Variants in HDHD5 observed in about 807,000 individuals in gnomAD.
HDHD5 encodes haloacid dehalogenase-like hydrolase domain-containing 5.
Under a neutral mutation model 35.5 loss-of-function variants are expected in HDHD5, and 34 were observed. The observed-to-expected ratio is 0.96, with a 90% confidence interval of 0.73 to 1.28. The LOEUF is 1.28. Ranked by LOEUF, HDHD5 falls within the 50% of genes most tolerant of loss-of-function variation. The pLI, the probability that HDHD5 is intolerant of heterozygous loss-of-function variation, is 0.00. For synonymous variants in HDHD5, 248 were observed against 240.6 expected (o/e 1.03, Z -0.29); for missense variants, 589 against 560.2 (o/e 1.05, Z -0.52).
intron 1 of HDHD5, among the ~76,000 whole-genome samples, chr22:17,156,561 G>A (rs1230574276): frequency 3.3e-5 from 5 of 152,168 alleles, no homozygotes; most frequent in Non-Finnish European, 7.4e-5. Flanking sequence ...CAGATCACGA[G>A]GTTAGGAGAT....
At chr22:17,159,996 C>T (rs540998363), upstream of HDHD5, among the ~76,000 whole-genome samples, 47 of 152,330 alleles carry the variant, frequency 3.1e-4, no homozygotes, top group African/African-American at 1.0e-3. Flanking sequence ...CGACTCCGTC[C>T]GTGGAGGCCC....
intron 1 of HDHD5, among the ~76,000 whole-genome samples, chr22:17,156,091 A>G (rs753966737): frequency 1.3e-5 from 2 of 152,206 alleles, no homozygotes; most frequent in East Asian, 3.8e-4. Flanking sequence ...CATATTTCTG[A>G]TAAGAGTGAC....
rs748771648 is a variant in HDHD5 at position 17,149,585 on chromosome 22, T to C, written c.287A>G (p.Gln96Arg). 1.2e-6 allele frequency: 2 copies of C among 1,612,868 alleles called. No individual in the cohort carries two copies. Among genetic ancestry groups the C allele is most frequent in the Non-Finnish European group, 1.7e-6 (2 of 1,180,012 alleles). ...VFVTNAGNIL[Q>R]HSKAQELSAL... ...TGACAGCTCCTGGGCTTTGCTGTGTTGTAAGATGTTCCCAGCATTTGTAAC... is the reference window on the plus strand; with the variant it reads ...TGACAGCTCCTGGGCTTTGCTGTGTCGTAAGATGTTCCCAGCATTTGTAAC... The change falls in exon 2 of 8, where the codon CAA (glutamine) becomes CGA (arginine). Residue 96 changes from glutamine (Q) to arginine (R), a missense_variant. Transcript: ENST00000336737.
chr22:17,155,076 A>G (rs1288386380), intron 1 of HDHD5, among the ~76,000 whole-genome samples: 1 of 152,190 alleles, frequency 6.6e-6, no homozygotes, highest in African/African-American at 2.4e-5. Context: ...TCATTGCTCA[A>G]TCTGGGAGAT....
intron 2 of HDHD5, among the ~76,000 whole-genome samples, 195 bp downstream of exon 2, chr22:17,149,344 CAGA>C (rs1053948726): frequency 3.9e-5 from 6 of 152,132 alleles, no homozygotes; most frequent in Non-Finnish European, 7.3e-5. Context: ...CCCCAATGCC[CAGA>C]AGAAAAGAAA....
At chr22:17,160,660 A>T (rs201987429), upstream of HDHD5, among the ~76,000 whole-genome samples, 8,344 of 149,136 alleles carry the variant, frequency 0.056, 377 homozygotes, top group East Asian at 0.23. Flanking sequence ...AAAAAAAAAA[A>T]AATAATAATA....
At chr22:17,150,890 G>C (rs984453383) in intron 1 of HDHD5, among the ~76,000 whole-genome samples, 2 of 152,162 alleles carry the variant, frequency 1.3e-5, no homozygotes, top group African/African-American at 4.8e-5. Context: ...TATTCTGAGT[G>C]AATAATTCAC....
chr22:17,158,738 C>T (rs1219494961), intron 1 of HDHD5: 1 of 155,692 alleles, frequency 6.4e-6, no homozygotes, highest in African/African-American at 2.4e-5. Context: ...CACCCGCAGG[C>T]GCGGCTCCCG....
intron 1 of HDHD5, among the ~76,000 whole-genome samples, chr22:17,152,210 G>T (rs909471721): frequency 7.9e-5 from 12 of 152,172 alleles, no homozygotes; most frequent in Non-Finnish European, 1.3e-4. Flanking sequence ...ATGGAAAGTG[G>T]TATCATCAGA....
chr22:17,147,343 C>T (rs1157413381), intron 3 of HDHD5, among the ~76,000 whole-genome samples: 8 of 100,636 alleles, frequency 7.9e-5, no homozygotes, highest in East Asian at 3.0e-4. Context: ...TCGCACACGC[C>T]CCACACCTGT....
At chr22:17,149,825 C>G (rs144899597) in intron 1 of HDHD5, 80 bp from the exon 2 acceptor site, 1 of 1,270,200 alleles carries the variant, frequency 7.9e-7, no homozygotes, top group Non-Finnish European at 1.1e-6. Flanking sequence ...ACACCATCCT[C>G]GGGTCACTCA....
At chr22:17,144,821 G>C (rs1430222157) in intron 4 of HDHD5, among the ~76,000 whole-genome samples, 1 of 152,070 alleles carries the variant, frequency 6.6e-6, no homozygotes, top group East Asian at 1.9e-4. Flanking sequence ...AAAGCGTTGG[G>C]ATTACAGGTG....
At chr22:17,142,123 T>A (rs1184720749) in intron 5 of HDHD5, 1 of 152,198 alleles carries the variant, frequency 6.6e-6, no homozygotes, top group African/African-American at 2.4e-5. Context: ...TGTCTGTAAT[T>A]CCAGCACTTT....
rs567980976 is a variant in HDHD5, at chr22:17,151,442, G to C, written c.127-1697C>G. Among the ~76,000 whole-genome samples, 3 of 152,152 alleles carry C rather than the reference G, an allele frequency of 2.0e-5. 1 individual carries two copies. The highest frequency in any genetic ancestry group is 7.2e-5 in the African/African-American group (3 of 41,530). ...TAGAGCAACCAGAAACAGAAATGGCGCTACAGGCCAGGTGTGGTGGCTCAC... is the reference window on the plus strand; with the variant it reads ...TAGAGCAACCAGAAACAGAAATGGCCCTACAGGCCAGGTGTGGTGGCTCAC... On this transcript the variant is annotated intron_variant, in intron 1 of 7. Transcript: ENST00000336737.
chr22:17,159,383 T>G (rs2123882962), upstream of HDHD5: 1 of 1,071,824 alleles, frequency 9.3e-7, no homozygotes, highest in East Asian at 6.2e-5. Flanking sequence ...GCGGAGCCCG[T>G]CGGGCGCCTA....
At chr22:17,152,125 C>T (rs2061733583) in intron 1 of HDHD5, among the ~76,000 whole-genome samples, 1 of 152,124 alleles carries the variant, frequency 6.6e-6, no homozygotes, top group African/African-American at 2.4e-5. Flanking sequence ...AGGCCCACAC[C>T]AGAGGAACCT....
At position 17,137,821 on chromosome 22, in the gene HDHD5, G is replaced by C; in HGVS notation, c.*200C>G. 1 of 570,480 alleles carries C rather than the reference G, an allele frequency of 1.8e-6. No homozygotes were observed. The highest frequency in any genetic ancestry group is 2.3e-5 in the South Asian group (1 of 43,682). The allele number at this position is 570,480 out of a possible 1,614,324, so 35.3% of individuals were successfully genotyped here. On this transcript the variant is annotated 3_prime_UTR_variant, in exon 8 of 8. Coordinates refer to ENST00000336737, the MANE Select transcript of HDHD5 (RefSeq NM_033070.3). ...GAACTGGGCCCAGAAAATTCCAACC[G>C]TTCCATACAAAATGCTACCCAGCAG...
At chr22:17,160,209 G>T (rs1225949698), upstream of HDHD5, among the ~76,000 whole-genome samples, 1 of 152,170 alleles carries the variant, frequency 6.6e-6, no homozygotes, top group Admixed American at 6.5e-5. Context: ...GACAGAGACT[G>T]CACTAGCTCA....
upstream of HDHD5, chr22:17,159,821 C>T (rs2061849904): frequency 3.6e-6 from 1 of 278,480 alleles, no homozygotes; most frequent in Non-Finnish European, 7.0e-6. Flanking sequence ...GAGGTAGAGG[C>T]ACGAATGTAG....
Sources: gnomAD v4.1 joint callset for allele counts (sites outside exome capture counted in the v4.1 genomes callset) on GRCh38, gnomAD v4.1.1 for gene constraint, MANE v1.5 for transcripts, NCBI Gene and HGNC (gene_info 2026-07-23, HGNC 2026-07-21) for gene names.